The following ACOT13 variants were observed in gnomAD, a reference collection of about 807,000 sequenced individuals.
ACOT13 encodes acyl-CoA thioesterase 13.
A neutral mutation model predicts 11.8 loss-of-function variants in ACOT13; 10 were observed. That is an observed-to-expected ratio of 0.85 (90% confidence interval 0.53 to 1.44). The LOEUF is 1.44. ACOT13 is among the 40% of genes most tolerant of loss of function. ACOT13 has a pLI of 0.00. For synonymous variants in ACOT13, 53 were observed against 61.0 expected (o/e 0.87, Z 0.61); for missense variants, 172 against 174.1 (o/e 0.99, Z 0.07).
rs1778270558 is a variant in ACOT13, at chr6:24,667,136, T to G, written c.-128T>G. On this transcript the variant is annotated 5_prime_UTR_variant, in exon 1 of 3. Coordinates refer to ENST00000230048, the MANE Select transcript of ACOT13 (RefSeq NM_018473.4). ...TCGCCTGACTCCCGGCCTCTTGCGC[T>G]CCTAGGGGCGGAGAAGGGTGCGGGC... The G allele has an allele frequency of 2.9e-6, 3 of 1,021,416 alleles. No individual in the cohort carries two copies. The highest frequency in any genetic ancestry group is 4.3e-6 in the Non-Finnish European group (3 of 697,024). The allele number at this position is 1,021,416 out of a possible 1,614,324, so 63.3% of individuals were successfully genotyped here.
intron 2 of ACOT13, among the ~76,000 whole-genome samples, chr6:24,699,424 C>A (rs60555264): frequency 0.075 from 11,436 of 152,202 alleles, 561 homozygotes; most frequent in African/African-American, 0.12. Context: ...GTTAGCCAGG[C>A]TGGTCTCGAT....
At chr6:24,672,889 T>C (rs1334086045) in intron 1 of ACOT13, among the ~76,000 whole-genome samples, 1 of 152,212 alleles carries the variant, frequency 6.6e-6, no homozygotes, top group African/African-American at 2.4e-5. Context: ...CTTGAGGAGT[T>C]GAATGCCTTT....
chr6:24,680,933 C>G (rs1210492121), intron 1 of ACOT13, among the ~76,000 whole-genome samples: 2 of 152,236 alleles, frequency 1.3e-5, no homozygotes, highest in African/African-American at 4.8e-5. Flanking sequence ...TCCACAGAGT[C>G]TCTGTATTAA....
Position 24,702,547 on chromosome 6 carries a change from A to G in ACOT13, c.*932A>G, listed in dbSNP as rs1335462529. ...TAACATACAAATTTAGGGGAAACACATGGAGACCACAGCAATGGCCAATCC... is the reference window on the plus strand; with the variant it reads ...TAACATACAAATTTAGGGGAAACACGTGGAGACCACAGCAATGGCCAATCC... On this transcript the variant is annotated 3_prime_UTR_variant, in exon 3 of 3. Transcript: ENST00000230048. The G allele has an allele frequency of 6.6e-6, 1 of 152,216 alleles. No individual in the cohort carries two copies. Among genetic ancestry groups the G allele is most frequent in the African/African-American group, 2.4e-5 (1 of 41,454 alleles). The allele number at this position is 152,216 out of a possible 1,614,324, so 9.4% of individuals were successfully genotyped here.
At chr6:24,668,399 TTATTA>T (rs1441426926) in intron 1 of ACOT13, among the ~76,000 whole-genome samples, 6 of 152,014 alleles carry the variant, frequency 3.9e-5, no homozygotes, top group Non-Finnish European at 7.4e-5. Flanking sequence ...TTCTTTATTT[TTATTA>T]GAGACAGGGT....
chr6:24,675,063 A>C (rs1378756324), intron 1 of ACOT13, among the ~76,000 whole-genome samples: 1 of 152,000 alleles, frequency 6.6e-6, no homozygotes, highest in African/African-American at 2.4e-5. Context: ...ACATGAACTC[A>C]TCCTTTTTTA....
At chr6:24,675,964 C>A (rs1778447362) in intron 1 of ACOT13, among the ~76,000 whole-genome samples, 1 of 152,166 alleles carries the variant, frequency 6.6e-6, no homozygotes, top group Non-Finnish European at 1.5e-5. Context: ...TTTCCCAGCA[C>A]CATTTATTAA....
intron 1 of ACOT13, among the ~76,000 whole-genome samples, chr6:24,694,428 C>G (rs1778764852): frequency 6.6e-6 from 1 of 152,192 alleles, no homozygotes. Flanking sequence ...GACAGTTTCT[C>G]ATCTGTAAAA....
At chr6:24,687,631 C>T (rs1372687875) in intron 1 of ACOT13, 3 of 1,512,366 alleles carry the variant, frequency 2.0e-6, no homozygotes, top group South Asian at 2.6e-5. Flanking sequence ...TAGGACTGAA[C>T]CTTAAAGACA....
At chr6:24,691,951 C>T (rs1885211) in intron 1 of ACOT13, among the ~76,000 whole-genome samples, 85,209 of 152,094 alleles carry the variant, frequency 0.56, 24,170 homozygotes, top group Middle Eastern at 0.61. Context: ...GTCAAGCAGT[C>T]TATATTTTCA....
intron 1 of ACOT13, among the ~76,000 whole-genome samples, chr6:24,691,503 A>G (rs768713560): frequency 6.6e-6 from 1 of 152,190 alleles, no homozygotes; most frequent in Non-Finnish European, 1.5e-5. Context: ...GGTGGAAGAT[A>G]GAGAGTATTG....
At position 24,704,507 on chromosome 6, in the gene ACOT13, T is replaced by G. The variant is rs1778958726; in HGVS notation, c.*2892T>G. 9 of 152,252 alleles carry G rather than the reference T, an allele frequency of 5.9e-5. No homozygotes were observed. The highest frequency in any genetic ancestry group is 5.9e-4 in the Admixed American group (9 of 15,284). 9.4% of individuals were successfully genotyped at this position (152,252 alleles called of 1,614,324 possible). On this transcript the variant is annotated 3_prime_UTR_variant, in exon 3 of 3. Transcript: ENST00000230048. ...GAGCTTGAGCAAGTTACTTAACCTC[T>G]GCATCTATTTCCACCAAAGGTTGAG... is the stretch of plus-strand genomic sequence containing the variant.
At chr6:24,689,214 G>A (rs943823408) in intron 1 of ACOT13, among the ~76,000 whole-genome samples, 39 of 151,704 alleles carry the variant, frequency 2.6e-4, no homozygotes, top group African/African-American at 9.0e-4. Flanking sequence ...ATCTAATTTT[G>A]TCAGTCTGTC....
intron 1 of ACOT13, among the ~76,000 whole-genome samples, chr6:24,676,270 T>C (rs1222351136): frequency 1.3e-5 from 2 of 152,062 alleles, no homozygotes; most frequent in Non-Finnish European, 2.9e-5. Flanking sequence ...AAGAAAGTCA[T>C]TGGTAGCTTG....
chr6:24,678,305 G>C (rs35838393), intron 1 of ACOT13, among the ~76,000 whole-genome samples: 5,214 of 152,222 alleles, frequency 0.034, 143 homozygotes, highest in Middle Eastern at 0.12. Flanking sequence ...CAGAGTACAA[G>C]GGTTAGGTAT....
At position 24,704,967 on chromosome 6, in the gene ACOT13, T is replaced by G. The variant is rs1040118011; in HGVS notation, c.*3352T>G. 2 of 152,204 alleles carry G rather than the reference T, an allele frequency of 1.3e-5. No homozygotes were observed. The highest frequency in any genetic ancestry group is 4.8e-5 in the African/African-American group (2 of 41,338). 9.4% of individuals were successfully genotyped at this position (152,204 alleles called of 1,614,324 possible). A position where few individuals can be genotyped will look rare whatever the true frequency, so the allele number is the denominator to read the frequency against. ...ATTCCAACCAGAAGCTAAATACAAT[T>G]GGAAACTGGTAAGCACTAGTTTTAC... On this transcript the variant is annotated 3_prime_UTR_variant, in exon 3 of 3. Coordinates refer to ENST00000230048, the MANE Select transcript of ACOT13 (RefSeq NM_018473.4).
chr6:24,683,589 A>T (rs1055646477), intron 1 of ACOT13, among the ~76,000 whole-genome samples: 2 of 150,148 alleles, frequency 1.3e-5, no homozygotes, highest in Non-Finnish European at 2.9e-5. Context: ...TGACGTGCCC[A>T]AGGTGGTCAG....
At chr6:24,674,790 G>C (rs957119517) in intron 1 of ACOT13, among the ~76,000 whole-genome samples, 4 of 152,016 alleles carry the variant, frequency 2.6e-5, no homozygotes, top group Admixed American at 6.6e-5. Context: ...GTGCAGGTTT[G>C]TTACATATGT....
chr6:24,686,055 AG>A (rs1306346544), intron 1 of ACOT13, among the ~76,000 whole-genome samples: 1 of 151,988 alleles, frequency 6.6e-6, no homozygotes, highest in African/African-American at 2.4e-5. Context: ...AAAAAAAAAA[AG>A]GTTAACCGTC....
Sources: gnomAD v4.1 joint callset for allele counts (sites outside exome capture counted in the v4.1 genomes callset) on GRCh38, gnomAD v4.1.1 for gene constraint, MANE v1.5 for transcripts, NCBI Gene and HGNC (gene_info 2026-07-23, HGNC 2026-07-21) for gene names.